RIMS2: variants seen among roughly 807,000 people sequenced by gnomAD.
The protein encoded by RIMS2 is regulating synaptic membrane exocytosis protein 2.
RIMS2 carries 59 observed loss-of-function variants against 174.4 expected under a neutral mutation model. The ratio of observed to expected loss-of-function variants is 0.34; its 90% confidence interval spans 0.27 to 0.42. RIMS2 has a LOEUF of 0.42. RIMS2 is among the 10% of genes least tolerant of loss of function. The pLI, the probability that RIMS2 is intolerant of heterozygous loss-of-function variation, is 1.00. For missense variants in RIMS2, 1,620 were observed against 1,666.3 expected (o/e 0.97, Z 0.48); for synonymous variants, 606 against 572.5 (o/e 1.06, Z -0.84).
At chr8:103,921,762 A>G (rs1258897377) in exon 10 of RIMS2, 3 of 1,429,036 alleles carry the variant, frequency 2.1e-6, no homozygotes, top group Non-Finnish European at 3.0e-6. Flanking sequence ...GATGTCCCAC[A>G]GTTCTTATCA....
At position 103,762,614 on chromosome 8, in the gene RIMS2, C is replaced by T. The variant is rs2098124318; in HGVS notation, c.388-3613C>T. Among the ~76,000 whole-genome samples, 5 of 152,102 alleles carry T rather than the reference C, an allele frequency of 3.3e-5. No homozygotes were observed. In the South Asian group the frequency reaches 1.0e-3, roughly 31 times the overall value. ...TGTGTGAGAGGTAATTCAATACCGTCGCCAATTTATAAGCTAAGCTGCTTT... is the reference window on the plus strand; with the variant it reads ...TGTGTGAGAGGTAATTCAATACCGTTGCCAATTTATAAGCTAAGCTGCTTT... On this transcript the variant is annotated intron_variant, in intron 2 of 23. Transcript: ENST00000504942.
intron 1 of RIMS2, among the ~76,000 whole-genome samples, chr8:103,573,279 G>A (rs1472521121): frequency 6.6e-6 from 1 of 151,778 alleles, no homozygotes; most frequent in East Asian, 1.9e-4. Flanking sequence ...GGCCAGGCTG[G>A]TCTTGAACTC....
intron 19 of RIMS2, 119 bp downstream of exon 25, chr8:104,148,967 A>C (rs928507104): frequency 9.5e-6 from 10 of 1,056,160 alleles, no homozygotes; most frequent in Non-Finnish European, 1.4e-5. Context: ...CCAGAGGGAA[A>C]GGGCATTTTA....
At chr8:103,646,563 C>A (rs1190380266) in intron 1 of RIMS2, among the ~76,000 whole-genome samples, 1 of 152,098 alleles carries the variant, frequency 6.6e-6, no homozygotes, top group Non-Finnish European at 1.5e-5. Flanking sequence ...TTCCGACAGG[C>A]CTCAGTGTTT....
intron 3 of RIMS2, among the ~76,000 whole-genome samples, chr8:103,831,594 G>A (rs949173761): frequency 2.0e-5 from 3 of 152,134 alleles, no homozygotes; most frequent in Non-Finnish European, 4.4e-5. Context: ...CTTTCATAAT[G>A]ATATGAAATC....
At chr8:103,662,605 A>G (rs1262716134) in intron 1 of RIMS2, among the ~76,000 whole-genome samples, 2 of 152,194 alleles carry the variant, frequency 1.3e-5, no homozygotes, top group East Asian at 3.8e-4. Context: ...AATTGAGTTG[A>G]TACTTTTCTT....
intron 2 of RIMS2, among the ~76,000 whole-genome samples, chr8:103,741,966 A>G (rs1327686803): frequency 2.0e-5 from 3 of 152,166 alleles, no homozygotes; most frequent in East Asian, 1.9e-4. Context: ...GACAAAAGCT[A>G]TGTATGAGTG....
chr8:103,819,486 A>C (rs1564751454), intron 3 of RIMS2: 1 of 1,610,874 alleles, frequency 6.2e-7, no homozygotes, highest in Non-Finnish European at 8.5e-7. Context: ...AAATAAGAGA[A>C]GGGGAAAAAA....
intron 19 of RIMS2, among the ~76,000 whole-genome samples, chr8:104,141,494 G>T (rs752260367): frequency 3.3e-5 from 5 of 152,158 alleles, no homozygotes; most frequent in Non-Finnish European, 5.9e-5. Flanking sequence ...TGTATTTGGA[G>T]ACATAATACT....
intron 1 of RIMS2, among the ~76,000 whole-genome samples, chr8:103,648,981 C>G (rs551757305): frequency 1.3e-5 from 2 of 152,266 alleles, no homozygotes; most frequent in Non-Finnish European, 2.9e-5. Flanking sequence ...ATTCTGTCAT[C>G]ATGATGCTAG....
intron 4 of RIMS2, among the ~76,000 whole-genome samples, chr8:103,905,046 A>G (rs2074073698): frequency 6.6e-6 from 1 of 151,928 alleles, no homozygotes; most frequent in Non-Finnish European, 1.5e-5. Context: ...TTTCTCCCTT[A>G]TCTCATAATG....
chr8:103,728,548 T>C (rs1431718459), intron 2 of RIMS2, among the ~76,000 whole-genome samples: 1 of 152,086 alleles, frequency 6.6e-6, no homozygotes, highest in Non-Finnish European at 1.5e-5. Flanking sequence ...CTGTTCAGTA[T>C]GTTACTAGCT....
At chr8:103,628,588 AG>A (rs2095841680) in intron 1 of RIMS2, among the ~76,000 whole-genome samples, 1 of 151,932 alleles carries the variant, frequency 6.6e-6, no homozygotes, top group Non-Finnish European at 1.5e-5. Flanking sequence ...TCCTGACCTC[AG>A]GTGATCTGCC....
At chr8:103,718,041 C>G (rs1004955102) in intron 2 of RIMS2, among the ~76,000 whole-genome samples, 1 of 152,270 alleles carries the variant, frequency 6.6e-6, no homozygotes, top group African/African-American at 2.4e-5. Flanking sequence ...AGGCAATATA[C>G]AAGCTCTTGA....
Position 104,243,300 on chromosome 8 carries a change from G to C in RIMS2, c.3335-1616G>C, listed in dbSNP as rs545915079. Among the ~76,000 whole-genome samples the C allele has an allele frequency of 2.6e-5, 4 of 152,272 alleles. No individual in the cohort carries two copies. In the East Asian group the frequency reaches 7.7e-4, roughly 29 times the overall value. The stretch of plus-strand genomic sequence containing the variant: ...AAGTAGAGAATGGATGAAATTTAAA[G>C]CAGTATTTCAAAATGGCAAGTACTT... On this transcript the variant is annotated intron_variant, in intron 19 of 23. Transcript: ENST00000504942.
At chr8:103,782,835 T>C (rs2098404535) in intron 3 of RIMS2, among the ~76,000 whole-genome samples, 1 of 152,196 alleles carries the variant, frequency 6.6e-6, no homozygotes, top group South Asian at 2.1e-4. Flanking sequence ...GAGTTTTTGG[T>C]CTTTATTTAC....
intron 2 of RIMS2, among the ~76,000 whole-genome samples, chr8:103,742,468 ACT>A (rs1445857989): frequency 9.9e-5 from 15 of 151,972 alleles, no homozygotes; most frequent in African/African-American, 3.6e-4. Flanking sequence ...AGTTTTATAA[ACT>A]CTATAATTAT....
chr8:104,138,197 A>G (rs2098537238), intron 19 of RIMS2, among the ~76,000 whole-genome samples: 1 of 152,124 alleles, frequency 6.6e-6, no homozygotes, highest in Non-Finnish European at 1.5e-5. Flanking sequence ...TCATCTGTTG[A>G]TGAATACTTA....
intron 2 of RIMS2, among the ~76,000 whole-genome samples, chr8:103,727,325 A>G (rs2097538546): frequency 1.3e-5 from 2 of 152,198 alleles, no homozygotes. Flanking sequence ...TTCACTTATG[A>G]AACTAGAATA....
Sources: gnomAD v4.1 joint callset for allele counts (sites outside exome capture counted in the v4.1 genomes callset) on GRCh38, gnomAD v4.1.1 for gene constraint, MANE v1.5 for transcripts, NCBI Gene and HGNC (gene_info 2026-07-23, HGNC 2026-07-21) for gene names.